The following CNTN4 variants were observed in gnomAD, a reference collection of about 807,000 sequenced individuals.
The protein encoded by CNTN4 is contactin-4.
A neutral mutation model predicts 122.5 loss-of-function variants in CNTN4; 77 were observed. That is an observed-to-expected ratio of 0.63 (90% confidence interval 0.52 to 0.76). The LOEUF (loss-of-function observed/expected upper bound fraction) is 0.76, where lower values mean the gene tolerates loss of function less well. Among genes scored for constraint, CNTN4 ranks in the 30% least tolerant of loss-of-function variants. The probability of loss-of-function intolerance (pLI) is 0.00; values close to 1 mark genes in which losing one functional copy is unlikely to be tolerated. For missense variants in CNTN4, 1,256 were observed against 1,259.1 expected (o/e 1.00, Z 0.04); for synonymous variants, 512 against 447.0 (o/e 1.15, Z -1.83).
At chr3:2,789,137 C>G (rs966807145) in intron 6 of CNTN4, among the ~76,000 whole-genome samples, 3 of 152,060 alleles carry the variant, frequency 2.0e-5, no homozygotes, top group Non-Finnish European at 4.4e-5. Context: ...ATTTGCCTGA[C>G]CATTCAAAAT....
At chr3:2,743,245 G>A (rs1409516625) in intron 5 of CNTN4, among the ~76,000 whole-genome samples, 4 of 152,126 alleles carry the variant, frequency 2.6e-5, no homozygotes, top group East Asian at 1.9e-4. Flanking sequence ...AAGAGTTATG[G>A]TCAAGACGTG....
chr3:2,102,448 T>C (rs977027630), intron 2 of CNTN4, among the ~76,000 whole-genome samples: 10 of 152,208 alleles, frequency 6.6e-5, no homozygotes, highest in African/African-American at 2.4e-4. Context: ...TTGGCTCTTT[T>C]AGATTGGCTC....
chr3:2,238,735 G>GTTTTTTGTTTTTTTTTTT, intron 2 of CNTN4: 1 of 78,900 alleles, frequency 1.3e-5, no homozygotes, highest in Non-Finnish European at 2.5e-5. Flanking sequence ...TTGGCTCTGT[G>GTTTTTTGTTTTTTTTTTT]TTTTTTTTTT....
intron 14 of CNTN4, among the ~76,000 whole-genome samples, chr3:2,990,998 G>T (rs1335925262): frequency 6.6e-6 from 1 of 152,068 alleles, no homozygotes; most frequent in Non-Finnish European, 1.5e-5. Context: ...AAGTGAGTCG[G>T]TACAAAGAAA....
At chr3:2,283,771 C>T (rs766444148) in intron 2 of CNTN4, among the ~76,000 whole-genome samples, 22 of 152,084 alleles carry the variant, frequency 1.4e-4, no homozygotes, top group East Asian at 3.9e-4. Flanking sequence ...ACAATTCAAA[C>T]GGCTTACAAT....
intron 3 of CNTN4, among the ~76,000 whole-genome samples, chr3:2,351,294 C>G (rs2044606762): frequency 6.6e-6 from 1 of 152,290 alleles, no homozygotes; most frequent in Admixed American, 6.5e-5. Context: ...CAGACCAAAT[C>G]TCATTTTATA....
intron 2 of CNTN4, among the ~76,000 whole-genome samples, chr3:2,283,864 T>C (rs1338781001): frequency 6.6e-6 from 1 of 152,084 alleles, no homozygotes; most frequent in African/African-American, 2.4e-5. Context: ...TTAAACCCTG[T>C]TTTTATTTCT....
intron 4 of CNTN4, among the ~76,000 whole-genome samples, chr3:2,731,518 T>G (rs921120044): frequency 6.6e-6 from 1 of 152,170 alleles, no homozygotes; most frequent in Non-Finnish European, 1.5e-5. Flanking sequence ...AGATCAATGG[T>G]CTGGAATCCA....
intron 6 of CNTN4, among the ~76,000 whole-genome samples, chr3:2,746,461 G>C (rs2089776357): frequency 1.3e-5 from 2 of 152,194 alleles, no homozygotes; most frequent in African/African-American, 4.8e-5. Context: ...CCATAGGCAA[G>C]AGCAATTAGC....
At chr3:2,327,098 C>T (rs2043493637) in intron 2 of CNTN4, among the ~76,000 whole-genome samples, 1 of 151,604 alleles carries the variant, frequency 6.6e-6, no homozygotes, top group African/African-American at 2.4e-5. Flanking sequence ...GAAATTTCAT[C>T]AAGTTGGTCT....
chr3:2,583,084 A>G (rs2080020234), intron 4 of CNTN4, among the ~76,000 whole-genome samples: 1 of 152,232 alleles, frequency 6.6e-6, no homozygotes, highest in South Asian at 2.1e-4. Flanking sequence ...CGTGACATCT[A>G]TACCAGAAAA....
At chr3:2,389,832 T>A (rs1012806545) in intron 3 of CNTN4, among the ~76,000 whole-genome samples, 2 of 152,160 alleles carry the variant, frequency 1.3e-5, no homozygotes, top group Non-Finnish European at 2.9e-5. Context: ...GAAAAAAAAT[T>A]TCACGGAAGT....
intron 2 of CNTN4, among the ~76,000 whole-genome samples, chr3:2,158,552 G>C (rs189787617): frequency 1.1e-3 from 171 of 152,302 alleles, no homozygotes; most frequent in African/African-American, 4.0e-3. Context: ...TTCCACATCT[G>C]AAAAGAACGT....
At chr3:2,855,064 A>G (rs768847524) in intron 7 of CNTN4, among the ~76,000 whole-genome samples, 2 of 152,252 alleles carry the variant, frequency 1.3e-5, no homozygotes, top group African/African-American at 2.4e-5. Flanking sequence ...TTCAGGATTT[A>G]ACTGGTCACC....
At chr3:2,194,875 T>G (rs1575055723) in intron 2 of CNTN4, among the ~76,000 whole-genome samples, 1 of 152,284 alleles carries the variant, frequency 6.6e-6, no homozygotes, top group Admixed American at 6.5e-5. Flanking sequence ...GATTTCAGAC[T>G]TCTAGCCTCT....
intron 4 of CNTN4, among the ~76,000 whole-genome samples, chr3:2,599,696 C>T (rs1459423665): frequency 6.6e-6 from 1 of 152,012 alleles, no homozygotes; most frequent in Non-Finnish European, 1.5e-5. Flanking sequence ...GCAGAGAATC[C>T]CTAGCTAAAC....
chr3:2,749,481 C>A (rs1311084088), intron 6 of CNTN4, among the ~76,000 whole-genome samples: 2 of 152,116 alleles, frequency 1.3e-5, no homozygotes. Flanking sequence ...GAATTTAATA[C>A]AATCTAGAAT....
chr3:2,486,063 A>G (rs2076151813), intron 3 of CNTN4, among the ~76,000 whole-genome samples: 1 of 152,102 alleles, frequency 6.6e-6, no homozygotes, highest in Non-Finnish European at 1.5e-5. Context: ...TTCATCTCGA[A>G]GGTCTGCAGC....
At chr3:2,924,244 C>G (rs1407219175) in intron 12 of CNTN4, among the ~76,000 whole-genome samples, 3 of 152,070 alleles carry the variant, frequency 2.0e-5, no homozygotes, top group Non-Finnish European at 4.4e-5. Context: ...TCCACTGAAG[C>G]TTACTTTCAT....
Sources: allele counts gnomAD v4.1 joint callset (sites outside exome capture counted in the v4.1 genomes callset), GRCh38; gene constraint gnomAD v4.1.1; transcripts MANE v1.5; gene names NCBI Gene and HGNC (gene_info 2026-07-23, HGNC 2026-07-21).